Variants in CSMD1 observed in about 807,000 individuals in gnomAD.
The protein encoded by CSMD1 is CUB and sushi domain-containing protein 1.
CSMD1 carries 213 observed loss-of-function variants against 417.5 expected under a neutral mutation model. The observed-to-expected ratio is 0.51, with a 90% CI of 0.46 to 0.57. CSMD1 has a LOEUF of 0.57. Ranked by LOEUF, CSMD1 falls within the 20% of genes least tolerant of loss-of-function variation. CSMD1 has a pLI of 0.00. For missense variants in CSMD1, 6,923 were observed against 4,529.7 expected, an observed-to-expected ratio of 1.53 and a Z score of -15.17; for synonymous variants, 2,862 against 1,736.8, an observed-to-expected ratio of 1.65 and a Z score of -16.11.
intron 3 of CSMD1, among the ~76,000 whole-genome samples, chr8:4,234,846 C>T (rs747377314): frequency 2.6e-5 from 4 of 152,032 alleles, no homozygotes; most frequent in Non-Finnish European, 5.9e-5. Flanking sequence ...ACTGTGGGCG[C>T]CTTCTTGCTC....
intron 5 of CSMD1, among the ~76,000 whole-genome samples, chr8:3,777,188 A>C (rs1232472932): frequency 2.6e-5 from 4 of 151,026 alleles, no homozygotes; most frequent in Non-Finnish European, 5.9e-5. Context: ...TGTGTCTGTT[A>C]CTTGTTATAT....
intron 3 of CSMD1, among the ~76,000 whole-genome samples, chr8:4,280,487 A>G (rs1205179786): frequency 1.3e-5 from 2 of 152,348 alleles, no homozygotes; most frequent in Admixed American, 1.3e-4. Flanking sequence ...TATATCCTCC[A>G]CATTTCACAG....
chr8:3,971,415 T>C (rs565701931), intron 5 of CSMD1, among the ~76,000 whole-genome samples: 1 of 152,276 alleles, frequency 6.6e-6, no homozygotes, highest in Admixed American at 6.5e-5. Flanking sequence ...TGTTTTTCAA[T>C]ATATTTTTTG....
chr8:3,554,225 T>A (rs1368893756), intron 10 of CSMD1, among the ~76,000 whole-genome samples: 2 of 152,224 alleles, frequency 1.3e-5, no homozygotes, highest in African/African-American at 4.8e-5. Flanking sequence ...TGTTTTTCTT[T>A]ATAAGAACAG....
intron 18 of CSMD1, among the ~76,000 whole-genome samples, chr8:3,372,127 G>A (rs1484538561): frequency 2.0e-5 from 3 of 152,146 alleles, no homozygotes; most frequent in Admixed American, 1.3e-4. Context: ...AAAAGGGATG[G>A]GATAGTGTGA....
intron 42 of CSMD1, among the ~76,000 whole-genome samples, chr8:3,114,172 A>C (rs1816710782): frequency 6.6e-6 from 1 of 152,176 alleles, no homozygotes; most frequent in South Asian, 2.1e-4. Flanking sequence ...TGAGCCTGGC[A>C]GGTCAAGGCT....
chr8:3,316,590 A>C (rs1476135065), intron 23 of CSMD1, among the ~76,000 whole-genome samples: 1 of 152,216 alleles, frequency 6.6e-6, no homozygotes, highest in African/African-American at 2.4e-5. Context: ...TCAGAGGGAG[A>C]ACAGTCCAGG....
At chr8:4,438,163 G>T (rs184138915) in intron 2 of CSMD1, among the ~76,000 whole-genome samples, 1 of 152,096 alleles carries the variant, frequency 6.6e-6, no homozygotes, top group Non-Finnish European at 1.5e-5. Flanking sequence ...TTTAGATATT[G>T]CTGACTTCTT....
At chr8:4,860,870 C>A (rs1802090092) in intron 1 of CSMD1, among the ~76,000 whole-genome samples, 1 of 152,108 alleles carries the variant, frequency 6.6e-6, no homozygotes, top group African/African-American at 2.4e-5. Context: ...CACATCCCTG[C>A]TTCTCCTGCT....
chr8:3,172,835 C>T (rs1043790857), intron 37 of CSMD1, among the ~76,000 whole-genome samples: 1 of 152,148 alleles, frequency 6.6e-6, no homozygotes, highest in African/African-American at 2.4e-5. Flanking sequence ...CCCACATGGG[C>T]AACATTCTAA....
At chr8:3,448,651 A>C (rs1257106212) in intron 12 of CSMD1, among the ~76,000 whole-genome samples, 2 of 152,088 alleles carry the variant, frequency 1.3e-5, no homozygotes, top group African/African-American at 4.8e-5. Flanking sequence ...GCGGGGCAGC[A>C]TGAGTGGAGG....
At chr8:3,735,429 C>G (rs1444144544) in intron 6 of CSMD1, among the ~76,000 whole-genome samples, 1 of 152,176 alleles carries the variant, frequency 6.6e-6, no homozygotes, top group Non-Finnish European at 1.5e-5. Context: ...TTCCAGAATG[C>G]ATCTACAAAA....
chr8:3,887,355 G>C (rs1397765262), intron 5 of CSMD1, among the ~76,000 whole-genome samples: 1 of 152,144 alleles, frequency 6.6e-6, no homozygotes. Flanking sequence ...ATAAAAGCAA[G>C]ATAAATCAAC....
intron 7 of CSMD1, among the ~76,000 whole-genome samples, chr8:3,653,892 C>T (rs1797979839): frequency 1.3e-5 from 2 of 152,154 alleles, no homozygotes; most frequent in African/African-American, 4.8e-5. Flanking sequence ...CTGACAGCAT[C>T]AGTATTAAAA....
At chr8:4,009,674 G>A (rs189041885) in intron 4 of CSMD1, among the ~76,000 whole-genome samples, 14 of 152,240 alleles carry the variant, frequency 9.2e-5, no homozygotes, top group Admixed American at 9.2e-4. Context: ...TGTAATACTG[G>A]GAGATATTAT....
At chr8:4,397,154 T>G (rs1291094808) in intron 3 of CSMD1, among the ~76,000 whole-genome samples, 1 of 152,134 alleles carries the variant, frequency 6.6e-6, no homozygotes, top group Non-Finnish European at 1.5e-5. Flanking sequence ...TCACTCTCAT[T>G]TCTACGTCCA....
At chr8:3,038,595 G>C (rs1052856107) in intron 50 of CSMD1, among the ~76,000 whole-genome samples, 2 of 151,988 alleles carry the variant, frequency 1.3e-5, no homozygotes, top group Admixed American at 6.6e-5. Context: ...CATGTTGCCT[G>C]CTTTTCGAGG....
intron 3 of CSMD1, among the ~76,000 whole-genome samples, chr8:4,036,986 T>C (rs576637970): frequency 4.6e-5 from 7 of 151,716 alleles, no homozygotes; most frequent in Admixed American, 4.6e-4. Context: ...TGTGTGTGTG[T>C]GTGTGTGTGT....
At chr8:4,456,574 T>A (rs1261156006) in intron 2 of CSMD1, among the ~76,000 whole-genome samples, 1 of 152,174 alleles carries the variant, frequency 6.6e-6, no homozygotes, top group Non-Finnish European at 1.5e-5. Context: ...AACAGCCCTG[T>A]CTTCTCACAA....
Sources: allele counts gnomAD v4.1 joint callset (sites outside exome capture counted in the v4.1 genomes callset), GRCh38; gene constraint gnomAD v4.1.1; transcripts MANE v1.5; gene names NCBI Gene and HGNC (gene_info 2026-07-23, HGNC 2026-07-21).